Variants in PTBP3 observed in about 807,000 individuals in gnomAD.
PTBP3 encodes polypyrimidine tract binding protein 3, also known as polypyrimidine tract-binding protein 3.
In PTBP3, 20 loss-of-function variants were observed where a neutral mutation model predicts 58.7. The ratio of observed to expected loss-of-function variants is 0.34; its 90% confidence interval spans 0.24 to 0.50. PTBP3 has a LOEUF of 0.50. Ranked by LOEUF, PTBP3 falls within the 20% of genes least tolerant of loss-of-function variation. The pLI is 0.98. For synonymous variants in PTBP3, 185 were observed against 219.8 expected, an observed-to-expected ratio of 0.84 and a Z score of 1.40; for missense variants, 509 against 637.2, an observed-to-expected ratio of 0.80 and a Z score of 2.17.
chr9:112,315,353 T>C (rs1349348724), intron 1 of PTBP3, among the ~76,000 whole-genome samples: 1 of 151,134 alleles, frequency 6.6e-6, no homozygotes, highest in East Asian at 1.9e-4. Flanking sequence ...TATTTATAAA[T>C]TAAACACATT....
the PTBP3 span, among the ~76,000 whole-genome samples, chr9:112,350,585 A>C: frequency 1.3e-5 from 2 of 152,144 alleles, no homozygotes; most frequent in South Asian, 4.1e-4. Flanking sequence ...ATTTCCGGGG[A>C]AGATGGTAGT....
intron 5 of PTBP3, among the ~76,000 whole-genome samples, chr9:112,253,247 T>C (rs1322663965): frequency 6.6e-6 from 1 of 152,220 alleles, no homozygotes; most frequent in African/African-American, 2.4e-5. Flanking sequence ...CAAAAGTCTA[T>C]GCCCACATGC....
the PTBP3 span, among the ~76,000 whole-genome samples, chr9:112,340,126 C>T: frequency 2.0e-5 from 3 of 152,104 alleles, no homozygotes; most frequent in African/African-American, 7.2e-5. Context: ...CACCACCACA[C>T]CTGGCTAATT....
upstream of PTBP3, among the ~76,000 whole-genome samples, chr9:112,337,566 A>C (rs1830587670): frequency 6.6e-6 from 1 of 152,246 alleles, no homozygotes; most frequent in South Asian, 2.1e-4. Flanking sequence ...TGGGTTCTAT[A>C]TACTGGCTTC....
intron 2 of PTBP3, among the ~76,000 whole-genome samples, chr9:112,286,933 T>TATCATTGTATCTAATGATG (rs1342455032): frequency 6.6e-6 from 1 of 152,154 alleles, no homozygotes; most frequent in Non-Finnish European, 1.5e-5. Flanking sequence ...TGCTTCATTG[T>TATCATTGTATCTAATGATG]CTTCTGGCTT....
chr9:112,285,131 G>A (rs1029762011), intron 2 of PTBP3, among the ~76,000 whole-genome samples: 1 of 152,176 alleles, frequency 6.6e-6, no homozygotes. Flanking sequence ...ATGTGTTGAG[G>A]GGGAGACCTG....
chr9:112,260,196 C>T (rs1836534255), intron 5 of PTBP3, among the ~76,000 whole-genome samples: 1 of 152,142 alleles, frequency 6.6e-6, no homozygotes, highest in African/African-American at 2.4e-5. Context: ...GGCATGAGCC[C>T]CCACACCCAA....
chr9:112,347,341 C>CTTTT, the PTBP3 span, among the ~76,000 whole-genome samples: 1,420 of 130,870 alleles, frequency 0.011, 32 homozygotes, highest in African/African-American at 0.036. Flanking sequence ...ACTGGGATAC[C>CTTTT]TTTTTTTTTT....
intron 2 of PTBP3, among the ~76,000 whole-genome samples, chr9:112,284,740 A>C (rs1828033952): frequency 6.6e-6 from 1 of 151,980 alleles, no homozygotes; most frequent in African/African-American, 2.4e-5. Flanking sequence ...AACAACAAAA[A>C]CAAGATTTAA....
chr9:112,267,285 C>T (rs569985039), intron 4 of PTBP3, among the ~76,000 whole-genome samples: 35 of 152,122 alleles, frequency 2.3e-4, no homozygotes, highest in Non-Finnish European at 4.0e-4. Flanking sequence ...CCTGTCTCAG[C>T]CTCCTGAGTA....
At chr9:112,310,306 CA>C (rs998644428) in intron 1 of PTBP3, among the ~76,000 whole-genome samples, 1 of 152,162 alleles carries the variant, frequency 6.6e-6, no homozygotes, top group Non-Finnish European at 1.5e-5. Context: ...ATCTTAACAA[CA>C]AAATATCAAC....
At chr9:112,304,476 T>C (rs2132346902) in intron 1 of PTBP3, among the ~76,000 whole-genome samples, 1 of 152,382 alleles carries the variant, frequency 6.6e-6, no homozygotes, top group Non-Finnish European at 1.5e-5. Context: ...CATCTTAATA[T>C]GAATTTTACA....
At chr9:112,363,778 C>G in the PTBP3 span, among the ~76,000 whole-genome samples, 5 of 152,124 alleles carry the variant, frequency 3.3e-5, no homozygotes, top group African/African-American at 1.2e-4. Flanking sequence ...TTTCCACATA[C>G]TCCCTCCTCC....
At chr9:112,338,229 G>T (rs1235273325), upstream of PTBP3, among the ~76,000 whole-genome samples, 1 of 152,166 alleles carries the variant, frequency 6.6e-6, no homozygotes, top group East Asian at 1.9e-4. Context: ...GATATTTGTG[G>T]TAATAAAACA....
intron 9 of PTBP3, 149 bp from the exon 10 acceptor site, chr9:112,231,562 G>A (rs1387937278): frequency 3.4e-6 from 2 of 593,212 alleles, no homozygotes; most frequent in Non-Finnish European, 5.6e-6. Context: ...TTTAATAGAA[G>A]TTCTTAAAAC....
At chr9:112,280,506 T>C (rs1827808825) in intron 2 of PTBP3, among the ~76,000 whole-genome samples, 1 of 152,222 alleles carries the variant, frequency 6.6e-6, no homozygotes, top group Admixed American at 6.5e-5. Flanking sequence ...TTGAATATAA[T>C]AATGCTAAGC....
chr9:112,364,174 GTTCTTTT>G, the PTBP3 span, among the ~76,000 whole-genome samples: 2 of 79,844 alleles, frequency 2.5e-5, no homozygotes, highest in African/African-American at 5.0e-5. Flanking sequence ...TGCTAGGTCA[GTTCTTTT>G]TTTTTTTTTT....
intron 1 of PTBP3, among the ~76,000 whole-genome samples, chr9:112,327,987 G>A (rs1564467817): frequency 6.6e-6 from 1 of 152,088 alleles, no homozygotes; most frequent in Non-Finnish European, 1.5e-5. Context: ...GACACATTTT[G>A]GTGAATCACT....
At chr9:112,281,647 T>C (rs182297355) in intron 2 of PTBP3, among the ~76,000 whole-genome samples, 3 of 152,338 alleles carry the variant, frequency 2.0e-5, no homozygotes, top group Non-Finnish European at 4.4e-5. Flanking sequence ...ATTCCTTATA[T>C]GTCTGATAGA....
Sources: gnomAD v4.1 joint callset for allele counts (sites outside exome capture counted in the v4.1 genomes callset) on GRCh38, gnomAD v4.1.1 for gene constraint, MANE v1.5 for transcripts, NCBI Gene and HGNC (gene_info 2026-07-23, HGNC 2026-07-21) for gene names.